SCN1A: variants seen among roughly 807,000 people sequenced by gnomAD.
SCN1A encodes sodium voltage-gated channel alpha subunit 1.
SCN1A carries 13 observed loss-of-function variants against 193.7 expected under a neutral mutation model. The observed-to-expected ratio is 0.07, with a 90% confidence interval of 0.04 to 0.11. SCN1A has a LOEUF of 0.11. Among genes scored for constraint, SCN1A ranks in the 10% least tolerant of loss-of-function variants. SCN1A has a pLI of 1.00. For missense variants in SCN1A, 1,432 were observed against 2,451.1 expected, an observed-to-expected ratio of 0.58 and a Z score of 8.78; for synonymous variants, 781 against 843.6, an observed-to-expected ratio of 0.93 and a Z score of 1.29.
Position 165,991,042 on chromosome 2 carries a change from C to T in SCN1A, c.*203G>A. The T allele has an allele frequency of 1.8e-6, 1 of 570,438 alleles. No homozygotes were observed. Among genetic ancestry groups the T allele is most frequent in the East Asian group, 3.0e-5 (1 of 33,786 alleles). 35.3% of individuals were successfully genotyped at this position (570,438 alleles called of 1,614,324 possible). A position where few individuals can be genotyped will look rare whatever the true frequency, so the allele number is the denominator to read the frequency against. On this transcript the variant is annotated 3_prime_UTR_variant, in exon 29 of 29. Coordinates refer to ENST00000674923, the MANE Select transcript of SCN1A (RefSeq NM_001165963.4). ...AGCTGGTAGTGAGAACAGTAACCTC[C>T]TGTCAAGGTCATCTCCCCTTTACAC... is the stretch of plus-strand genomic sequence containing the variant.
Position 166,046,974 on chromosome 2 carries a change from T to C in SCN1A, c.1173A>G (p.Thr391=), listed in dbSNP as rs766892870. 19 of 1,613,198 alleles carry C rather than the reference T, an allele frequency of 1.2e-5. No individual in the cohort carries two copies. The highest frequency in any genetic ancestry group is 1.7e-5 in the Admixed American group (1 of 59,950). ...TGTACGTTTTCCCAGCAGCACGTAA[T>C]GTCTGCAAACAAAAATATCAGAATT... ...QDFWENLYQL[T]LRAAGKTYMI... is the part of the protein sequence containing the mutation. Residue 391 remains threonine (T), a splice_region_variant and synonymous_variant, in exon 12 of 29, where the codon ACA becomes ACG. Transcript: ENST00000674923.
intron 2 of SCN1A, among the ~76,000 whole-genome samples, chr2:166,123,223 C>CAAAAAAAAAAAAAAAAAAAAAAAAAA (rs57488795): frequency 1.7e-5 from 2 of 116,414 alleles, no homozygotes; most frequent in African/African-American, 3.5e-5. Flanking sequence ...CATTCATTTG[C>CAAAAAAAAAAAAAAAAAAAAAAAAAA]AAAAAAAAAA....
chr2:166,106,203 C>G (rs1054636364), intron 2 of SCN1A, among the ~76,000 whole-genome samples: 1 of 151,884 alleles, frequency 6.6e-6, no homozygotes, highest in African/African-American at 2.4e-5. Context: ...AAAACAAAAA[C>G]AAACAAAAAA....
chr2:166,123,426 T>G (rs1002599616), intron 2 of SCN1A: 1 of 152,064 alleles, frequency 6.6e-6, no homozygotes, highest in African/African-American at 2.4e-5. Flanking sequence ...TAACCAATGA[T>G]CTCATTCAAA....
intron 23 of SCN1A, among the ~76,000 whole-genome samples, chr2:166,006,966 C>T (rs1691752431): frequency 1.3e-5 from 2 of 151,212 alleles, no homozygotes; most frequent in Admixed American, 1.3e-4. Context: ...TGGATAACTC[C>T]ATATACACAT....
intron 21 of SCN1A, among the ~76,000 whole-genome samples, chr2:166,012,531 T>C (rs964138421): frequency 4.6e-5 from 7 of 150,796 alleles, no homozygotes; most frequent in Non-Finnish European, 7.4e-5. Flanking sequence ...AAATAGTTCT[T>C]GATGTTGTAT....
chr2:166,073,309 A>T (rs756468995), intron 4 of SCN1A, 49 bp downstream of exon 4: 33 of 1,608,290 alleles, frequency 2.1e-5, no homozygotes, highest in Non-Finnish European at 2.7e-5. Flanking sequence ...CAGTCCAAGG[A>T]ATGCAGTAGG....
chr2:166,123,223 C>CAAAAAAAAAAAAAAAAAAAAAAAAAAA (rs57488795), intron 2 of SCN1A, among the ~76,000 whole-genome samples: 2 of 116,414 alleles, frequency 1.7e-5, no homozygotes, highest in African/African-American at 3.5e-5. Context: ...CATTCATTTG[C>CAAAAAAAAAAAAAAAAAAAAAAAAAAA]AAAAAAAAAA....
chr2:166,047,580 C>T, intron 11 of SCN1A, 47 bp downstream of exon 11: 1 of 1,603,574 alleles, frequency 6.2e-7, no homozygotes, highest in Non-Finnish European at 8.5e-7. Context: ...AATTGGTTTT[C>T]TTGTATACTT....
chr2:166,042,913 A>C lies in SCN1A; in HGVS notation c.2044-489T>G, dbSNP rs184064974. On this transcript the variant is annotated intron_variant, in intron 14 of 28. Transcript: ENST00000674923. ...TTGACAACACAAACTCTATGTTAAA[A>C]AGAACACACACATGCTGCATGGACA... 3.6e-3 allele frequency among the ~76,000 whole-genome samples: 543 copies of C among 152,320 alleles called. 2 individuals carry two copies. Among genetic ancestry groups the C allele is most frequent in the Non-Finnish European group, 5.4e-3 (368 of 68,014 alleles).
intron 5 of SCN1A, among the ~76,000 whole-genome samples, 180 bp from the exon 6 acceptor site, chr2:166,056,680 T>TA (rs1470723875): frequency 6.6e-6 from 1 of 152,116 alleles, no homozygotes; most frequent in Non-Finnish European, 1.5e-5. Context: ...TGGGTAATAA[T>TA]ATCACCTTCA....
At chr2:166,058,732 A>G (rs1295938467) in intron 4 of SCN1A, 44 bp from the exon 5 acceptor site, 2 of 1,054,346 alleles carry the variant, frequency 1.9e-6, no homozygotes, top group East Asian at 4.8e-5. Context: ...AGTATAAACC[A>G]CTTAAACTCT....
chr2:166,051,679 T>A (rs529523601), intron 9 of SCN1A, 40 bp downstream of exon 9: 2 of 1,485,232 alleles, frequency 1.3e-6, no homozygotes, highest in Non-Finnish European at 1.9e-6. Flanking sequence ...AACAATCCAA[T>A]TCTACTTTTT....
At chr2:166,061,251 T>G (rs1683275588) in intron 4 of SCN1A, among the ~76,000 whole-genome samples, 1 of 149,974 alleles carries the variant, frequency 6.7e-6, no homozygotes, top group South Asian at 2.1e-4. Flanking sequence ...AGACAAGGAG[T>G]GGTAAAGTAA....
chr2:166,070,008 T>C (rs1258791869), intron 4 of SCN1A, among the ~76,000 whole-genome samples: 2 of 152,206 alleles, frequency 1.3e-5, no homozygotes, highest in Non-Finnish European at 2.9e-5. Flanking sequence ...TCATCGAATA[T>C]TGAAAGAAAT....
At chr2:166,001,155 GT>G (rs1330100810) in intron 24 of SCN1A, among the ~76,000 whole-genome samples, 1 of 151,330 alleles carries the variant, frequency 6.6e-6, no homozygotes, top group Non-Finnish European at 1.5e-5. Context: ...TTTAACTTTT[GT>G]TTTTATTTGT....
intron 2 of SCN1A, among the ~76,000 whole-genome samples, chr2:166,118,774 C>A (rs535845362): frequency 6.6e-6 from 1 of 152,266 alleles, no homozygotes; most frequent in African/African-American, 2.4e-5. Flanking sequence ...TGACAGAATT[C>A]TCTTAGCTTT....
chr2:166,044,984 C>G (rs1574222710), intron 13 of SCN1A, 59 bp downstream of exon 13: 241 of 1,432,662 alleles, frequency 1.7e-4, no homozygotes, highest in Non-Finnish European at 2.0e-4. Flanking sequence ...TCTAATTCTC[C>G]CCCTCTCTCC....
At chr2:166,124,489 G>A (rs190189950) in intron 2 of SCN1A, among the ~76,000 whole-genome samples, 1 of 152,320 alleles carries the variant, frequency 6.6e-6, no homozygotes, top group Admixed American at 6.5e-5. Context: ...AGAAATTGCA[G>A]TGAGCCAAGA....
Sources: gnomAD v4.1 joint callset for allele counts (sites outside exome capture counted in the v4.1 genomes callset) on GRCh38, gnomAD v4.1.1 for gene constraint, MANE v1.5 for transcripts, NCBI Gene and HGNC (gene_info 2026-07-23, HGNC 2026-07-21) for gene names.